ARK2C: variants seen among roughly 807,000 people sequenced by gnomAD.
The protein encoded by ARK2C is E3 ubiquitin-protein ligase ARK2C.
chr18:46,337,397 T>A, the ARK2C span: 1 of 985,386 alleles, frequency 1.0e-6, no homozygotes, highest in Non-Finnish European at 1.2e-6. Flanking sequence ...AACTAAAGCA[T>A]GATCTGTATT....
At chr18:46,363,479 C>T in the ARK2C span, among the ~76,000 whole-genome samples, 2 of 152,238 alleles carry the variant, frequency 1.3e-5, no homozygotes, top group African/African-American at 4.8e-5. Flanking sequence ...TTCTCTAGGG[C>T]CTCAGGGCTC....
chr18:46,415,498 C>A, the ARK2C span, among the ~76,000 whole-genome samples: 1 of 151,550 alleles, frequency 6.6e-6, no homozygotes, highest in South Asian at 2.1e-4. Context: ...TGTACTCCAG[C>A]CTGGGCGACA....
chr18:46,345,799 G>T, the ARK2C span, among the ~76,000 whole-genome samples: 7 of 152,190 alleles, frequency 4.6e-5, no homozygotes, highest in African/African-American at 1.4e-4. Flanking sequence ...GGTCAGTCCA[G>T]GCTGTGCCCC....
chr18:46,337,171 T>A, the ARK2C span: 33 of 984,192 alleles, frequency 3.4e-5, no homozygotes, highest in Non-Finnish European at 3.9e-5. Flanking sequence ...CAAAATAAAG[T>A]CCCAAATAGC....
chr18:46,436,135 C>A, the ARK2C span, among the ~76,000 whole-genome samples: 5 of 151,846 alleles, frequency 3.3e-5, no homozygotes, highest in Admixed American at 3.3e-4. Context: ...TGGATCAGAA[C>A]CCTTGAAAAC....
the ARK2C span, among the ~76,000 whole-genome samples, chr18:46,367,245 C>T: frequency 6.6e-6 from 1 of 152,226 alleles, no homozygotes; most frequent in Non-Finnish European, 1.5e-5. Context: ...CCCATCCTGG[C>T]TGTCATACCT....
chr18:46,400,994 G>A, the ARK2C span, among the ~76,000 whole-genome samples: 51 of 152,250 alleles, frequency 3.3e-4, no homozygotes, highest in African/African-American at 1.2e-3. Context: ...ATGACCTCCC[G>A]CAAAGCTAAG....
chr18:46,398,199 C>A, the ARK2C span, among the ~76,000 whole-genome samples: 1 of 133,694 alleles, frequency 7.5e-6, no homozygotes, highest in East Asian at 2.2e-4. Flanking sequence ...TGTGGTCATG[C>A]AGAAGTGTGA....
At chr18:46,422,530 C>G in the ARK2C span, among the ~76,000 whole-genome samples, 4 of 152,266 alleles carry the variant, frequency 2.6e-5, no homozygotes, top group African/African-American at 9.6e-5. Flanking sequence ...CTCCCTCCAC[C>G]TGGGCGCAGC....
chr18:46,391,778 T>C, the ARK2C span, among the ~76,000 whole-genome samples: 6 of 151,146 alleles, frequency 4.0e-5, 1 homozygote, highest in African/African-American at 7.3e-5. Context: ...ACACACACTA[T>C]ACAATACATC....
At chr18:46,355,704 G>T in the ARK2C span, among the ~76,000 whole-genome samples, 1 of 150,776 alleles carries the variant, frequency 6.6e-6, no homozygotes, top group African/African-American at 2.4e-5. Flanking sequence ...CTCAGTGCCT[G>T]CCTGGCTTCC....
At chr18:46,443,321 T>G in the ARK2C span, among the ~76,000 whole-genome samples, 4 of 152,334 alleles carry the variant, frequency 2.6e-5, no homozygotes, top group Admixed American at 6.5e-5. Flanking sequence ...TATTTTATCT[T>G]ATTTTATTTT....
the ARK2C span, among the ~76,000 whole-genome samples, chr18:46,338,908 C>T: frequency 4.6e-5 from 7 of 152,174 alleles, no homozygotes; most frequent in African/African-American, 1.7e-4. Context: ...GCGGGTGCAC[C>T]CCTGCCTGAC....
the ARK2C span, among the ~76,000 whole-genome samples, chr18:46,452,828 T>C: frequency 6.6e-6 from 1 of 152,144 alleles, no homozygotes; most frequent in African/African-American, 2.4e-5. Flanking sequence ...GAGCCAATTT[T>C]GACTCTCGGT....
chr18:46,438,704 A>G, the ARK2C span, among the ~76,000 whole-genome samples: 2 of 152,198 alleles, frequency 1.3e-5, no homozygotes, highest in East Asian at 3.9e-4. Flanking sequence ...ACCTGTGAAT[A>G]TGAGGGGCTG....
the ARK2C span, among the ~76,000 whole-genome samples, chr18:46,357,672 C>T: frequency 6.6e-6 from 1 of 152,200 alleles, no homozygotes; most frequent in Non-Finnish European, 1.5e-5. Flanking sequence ...AGCAAGATGC[C>T]TCCAGATGCC....
At chr18:46,386,857 A>T in the ARK2C span, 7 of 152,162 alleles carry the variant, frequency 4.6e-5, no homozygotes, top group Non-Finnish European at 1.0e-4. Flanking sequence ...GATTTAGGCC[A>T]TTTTGGGAGT....
the ARK2C span, among the ~76,000 whole-genome samples, chr18:46,436,724 T>C: frequency 3.7e-4 from 57 of 152,344 alleles, 3 homozygotes; most frequent in East Asian, 1.5e-3. Context: ...CTCCATTAAA[T>C]TGAACAATTC....
the ARK2C span, among the ~76,000 whole-genome samples, chr18:46,449,653 C>T: frequency 6.6e-6 from 1 of 152,152 alleles, no homozygotes; most frequent in Non-Finnish European, 1.5e-5. Flanking sequence ...AGTGAGCTCT[C>T]ATAAGATCTG....
Sources: gnomAD v4.1 joint callset for allele counts (sites outside exome capture counted in the v4.1 genomes callset) on GRCh38, gnomAD v4.1.1 for gene constraint, MANE v1.5 for transcripts, NCBI Gene and HGNC (gene_info 2026-07-23, HGNC 2026-07-21) for gene names.